The following ASXL2 variants were observed in gnomAD, a reference collection of about 807,000 sequenced individuals.
The protein encoded by ASXL2 is putative Polycomb group protein ASXL2.
A neutral mutation model predicts 122.0 loss-of-function variants in ASXL2; 23 were observed. The ratio of observed to expected loss-of-function variants is 0.19; its 90% CI spans 0.14 to 0.27. ASXL2 has a LOEUF of 0.27. Among genes scored for constraint, ASXL2 ranks in the 10% least tolerant of loss-of-function variants. ASXL2 has a pLI of 1.00. For synonymous variants in ASXL2, 650 were observed against 637.0 expected (o/e 1.02, Z -0.31); for missense variants, 1,518 against 1,713.8 (o/e 0.89, Z 2.02).
At chr2:25,760,500 G>T (rs575939105) in intron 8 of ASXL2, among the ~76,000 whole-genome samples, 1 of 152,314 alleles carries the variant, frequency 6.6e-6, no homozygotes, top group East Asian at 1.9e-4. Context: ...TTCAAATGCT[G>T]CTGATGGGGC....
At chr2:25,809,002 T>TA (rs1158315477) in intron 3 of ASXL2, among the ~76,000 whole-genome samples, 18 of 152,154 alleles carry the variant, frequency 1.2e-4, no homozygotes, top group Non-Finnish European at 2.4e-4. Flanking sequence ...TTCAAAATAA[T>TA]AAAAAACTTT....
At chr2:25,811,609 A>C (rs1201747680) in intron 3 of ASXL2, among the ~76,000 whole-genome samples, 1 of 152,162 alleles carries the variant, frequency 6.6e-6, no homozygotes, top group East Asian at 1.9e-4. Context: ...GCTCAAACTT[A>C]ATAGTGGTTA....
At chr2:25,799,677 T>C (rs1368378176) in intron 4 of ASXL2, 142 bp from the exon 5 acceptor site, 9 of 990,376 alleles carry the variant, frequency 9.1e-6, no homozygotes, top group Admixed American at 9.0e-5. Context: ...CAATATTTTC[T>C]GAATTCCTGT....
intron 1 of ASXL2, among the ~76,000 whole-genome samples, chr2:25,846,850 C>T (rs2089656227): frequency 6.6e-6 from 1 of 152,050 alleles, no homozygotes; most frequent in Admixed American, 6.6e-5. Context: ...CAAACTTACT[C>T]AACACAGGAA....
At chr2:25,822,880 G>T in intron 3 of ASXL2, 1 of 549,484 alleles carries the variant, frequency 1.8e-6, no homozygotes, top group East Asian at 5.0e-5. Flanking sequence ...GATGCAGATT[G>T]ACCAGAAGTA....
chr2:25,756,615 G>C (rs560951159), intron 9 of ASXL2, among the ~76,000 whole-genome samples: 1 of 152,108 alleles, frequency 6.6e-6, no homozygotes, highest in African/African-American at 2.4e-5. Flanking sequence ...CTTTCCAAAC[G>C]TATGTGGGTT....
At chr2:25,793,071 G>A (rs560330899) in intron 5 of ASXL2, among the ~76,000 whole-genome samples, 4 of 151,804 alleles carry the variant, frequency 2.6e-5, no homozygotes, top group East Asian at 2.0e-4. Flanking sequence ...TGCCCAACAT[G>A]GAGAAATTCT....
rs574872406 is a variant in ASXL2, at chr2:25,737,634, A to T, written c.*4395T>A. The T allele has an allele frequency of 6.6e-5, 10 of 152,144 alleles. No homozygotes were observed. The East Asian group carries it at 1.9e-3, about 29-fold the overall frequency. 9.4% of individuals were successfully genotyped at this position (152,144 alleles called of 1,614,324 possible). On this transcript the variant is annotated 3_prime_UTR_variant, in exon 13 of 13. Transcript: ENST00000435504. ...GTAACTGAGGACTCTTACCCACGCC[A>T]CTCTCAGATGTATGTTAAACCTCAA...
rs542845759 is a variant in ASXL2 at position 25,766,255 on chromosome 2, C to T, written c.775+1328G>A. ...TTCGAGATCTTTAAAAAAAAACATG[C>T]CTTGGCATAGGTTTCTTTTCACTCA... is the stretch of plus-strand genomic sequence containing the variant. On this transcript the variant is annotated intron_variant, in intron 8 of 12. Coordinates refer to ENST00000435504, the MANE Select transcript of ASXL2 (RefSeq NM_018263.6). Among the ~76,000 whole-genome samples the T allele has an allele frequency of 4.5e-4, 68 of 152,168 alleles. No homozygotes were observed. In the Middle Eastern group the frequency reaches 0.041, roughly 91 times the overall value.
chr2:25,787,785 A>G (rs879775716), intron 5 of ASXL2, among the ~76,000 whole-genome samples: 3 of 152,162 alleles, frequency 2.0e-5, no homozygotes, highest in Admixed American at 1.3e-4. Flanking sequence ...TAAAAAGTCA[A>G]TAGAACTAAA....
At chr2:25,847,034 A>G (rs570537245) in intron 1 of ASXL2, among the ~76,000 whole-genome samples, 25 of 152,358 alleles carry the variant, frequency 1.6e-4, no homozygotes, top group African/African-American at 5.5e-4. Context: ...ATATATACGT[A>G]TATTTCATGT....
At chr2:25,864,676 A>C (rs940343657) in intron 1 of ASXL2, among the ~76,000 whole-genome samples, 14 of 152,104 alleles carry the variant, frequency 9.2e-5, no homozygotes, top group African/African-American at 3.4e-4. Flanking sequence ...ATTTAAAAAA[A>C]AAAATTCTCA....
intron 2 of ASXL2, among the ~76,000 whole-genome samples, chr2:25,838,988 T>C (rs2089546542): frequency 6.6e-6 from 1 of 152,180 alleles, no homozygotes; most frequent in African/African-American, 2.4e-5. Context: ...ACACATGAGC[T>C]GTAATAATGA....
chr2:25,805,425 T>G (rs143644679), intron 4 of ASXL2, among the ~76,000 whole-genome samples: 3 of 152,158 alleles, frequency 2.0e-5, no homozygotes, highest in Non-Finnish European at 4.4e-5. Context: ...TAATAGTCTA[T>G]AGAAAAATAT....
At chr2:25,813,372 G>T (rs2089194982) in intron 3 of ASXL2, among the ~76,000 whole-genome samples, 1 of 152,180 alleles carries the variant, frequency 6.6e-6, no homozygotes, top group Non-Finnish European at 1.5e-5. Context: ...TGCCATAAAT[G>T]ATATGACACT....
rs1376332030 is a variant in ASXL2 at position 25,734,089 on chromosome 2, T to C, written c.*7940A>G. 1 of 151,998 alleles carries C rather than the reference T, an allele frequency of 6.6e-6. No homozygotes were observed. Among genetic ancestry groups the C allele is most frequent in the African/African-American group, 2.4e-5 (1 of 41,378 alleles). 9.4% of individuals were successfully genotyped at this position (151,998 alleles called of 1,614,324 possible). On this transcript the variant is annotated 3_prime_UTR_variant, in exon 13 of 13. Coordinates refer to ENST00000435504, the MANE Select transcript of ASXL2 (RefSeq NM_018263.6). ...TTTTAAAAAAAATAGGTCAAAGCAC[T>C]TACAGCTAAGTGTTTTTTTTTCTTT...
chr2:25,819,626 C>T (rs1454035486), intron 3 of ASXL2, among the ~76,000 whole-genome samples: 1 of 152,060 alleles, frequency 6.6e-6, no homozygotes, highest in Non-Finnish European at 1.5e-5. Flanking sequence ...AAACAATCTG[C>T]AAAACAGCTG....
intron 1 of ASXL2, among the ~76,000 whole-genome samples, chr2:25,849,079 A>ATATATATATAT (rs1265031772): frequency 1.8e-4 from 25 of 136,668 alleles, no homozygotes; most frequent in East Asian, 7.4e-4. Context: ...ATATATATGG[A>ATATATATATAT]ATATTTATTT....
At chr2:25,832,393 T>A (rs955719928) in intron 3 of ASXL2, among the ~76,000 whole-genome samples, 3 of 150,956 alleles carry the variant, frequency 2.0e-5, no homozygotes, top group Admixed American at 1.3e-4. Context: ...TATAAATAAA[T>A]CAAGACAGAA....
Sources: gnomAD v4.1 joint callset for allele counts (sites outside exome capture counted in the v4.1 genomes callset) on GRCh38, gnomAD v4.1.1 for gene constraint, MANE v1.5 for transcripts, NCBI Gene and HGNC (gene_info 2026-07-23, HGNC 2026-07-21) for gene names.